SH3PXD2A: variants seen among roughly 807,000 people sequenced by gnomAD.
SH3PXD2A encodes the protein SH3 and PX domains 2A.
SH3PXD2A carries 32 observed loss-of-function variants against 115.2 expected under a neutral mutation model. The ratio of observed to expected loss-of-function variants is 0.28; its 90% confidence interval spans 0.21 to 0.37. The LOEUF (loss-of-function observed/expected upper bound fraction) is 0.37. SH3PXD2A is among the 10% of genes least tolerant of loss of function. The probability of loss-of-function intolerance (pLI) is 1.00; values close to 1 mark genes in which losing one functional copy is unlikely to be tolerated. For synonymous variants in SH3PXD2A, 610 were observed against 629.1 expected (o/e 0.97, Z 0.45); for missense variants, 1,328 against 1,498.7 (o/e 0.89, Z 1.88).
chr10:103,693,217 T>G, intron 5 of SH3PXD2A, 161 bp from the exon 6 acceptor site: 1 of 192,060 alleles, frequency 5.2e-6, no homozygotes, highest in Non-Finnish European at 1.0e-5. Context: ...CCGCACGCAC[T>G]GCGCGCCGCG....
At chr10:103,635,114 A>G (rs1395471459) in intron 8 of SH3PXD2A, among the ~76,000 whole-genome samples, 1 of 152,182 alleles carries the variant, frequency 6.6e-6, no homozygotes, top group East Asian at 1.9e-4. Flanking sequence ...GTGCCTATGC[A>G]TCTGCTCTAA....
chr10:103,790,321 A>T lies in SH3PXD2A; in HGVS notation c.153+10961T>A, dbSNP rs1339924114. ...AGGCGCCCGCCATCACCCCTGGCTA[A>T]TTTTTTTGTATTTTTAGTAGAGACG... On this transcript the variant is annotated intron_variant, in intron 2 of 14. Transcript: ENST00000369774. Among the ~76,000 whole-genome samples, 3 of 151,738 alleles carry T rather than the reference A, an allele frequency of 2.0e-5. No homozygotes were observed. In the East Asian group the frequency reaches 5.8e-4, roughly 29 times the overall value.
At chr10:103,661,746 C>T in intron 7 of SH3PXD2A, 4 of 985,292 alleles carry the variant, frequency 4.1e-6, no homozygotes, top group Non-Finnish European at 4.8e-6. Context: ...GGTTTGAGGC[C>T]GCCAATCACT....
rs1271125442 is a variant in SH3PXD2A at position 103,596,661 on chromosome 10, A to ACTCTCTCTCTCTCTCTCTCTCT, written c.*5154_*5155insAGAGAGAGAGAGAGAGAGAGAG. The ACTCTCTCTCTCTCTCTCTCTCT allele has an allele frequency of 5.4e-5, 2 of 37,032 alleles. No homozygotes were observed. The highest frequency in any genetic ancestry group is 7.3e-5 in the Non-Finnish European group (1 of 13,722). The allele number at this position is 37,032 out of a possible 1,614,324, so 2.3% of individuals were successfully genotyped here. A position where few individuals can be genotyped will look rare whatever the true frequency, so the allele number is the denominator to read the frequency against. On this transcript the variant is annotated 3_prime_UTR_variant, in exon 15 of 15. Transcript: ENST00000369774. The stretch of plus-strand genomic sequence containing the variant: ...CACACACACACACACACACACACAC[A>ACTCTCTCTCTCTCTCTCTCTCT]CACTCTCTCTCTCTCTCTCTCTCTC...
At chr10:103,787,065 C>G (rs2038987847) in intron 2 of SH3PXD2A, among the ~76,000 whole-genome samples, 1 of 152,212 alleles carries the variant, frequency 6.6e-6, no homozygotes, top group South Asian at 2.1e-4. Flanking sequence ...TTCTGTCCAG[C>G]TTTGCATCCG....
intron 10 of SH3PXD2A, among the ~76,000 whole-genome samples, chr10:103,619,970 A>G (rs897589105): frequency 1.3e-5 from 2 of 152,208 alleles, no homozygotes; most frequent in African/African-American, 4.8e-5. Flanking sequence ...CTCAGATGGC[A>G]GAGGCATGGA....
chr10:103,707,916 C>A (rs2038000469), intron 5 of SH3PXD2A, among the ~76,000 whole-genome samples: 5 of 152,176 alleles, frequency 3.3e-5, no homozygotes, highest in Admixed American at 3.3e-4. Flanking sequence ...CACCCTGGCC[C>A]AGGCTGTCTC....
chr10:103,617,343 A>T (rs761295262), intron 10 of SH3PXD2A, 29 bp from the exon 11 acceptor site: 2 of 1,527,450 alleles, frequency 1.3e-6, no homozygotes, highest in South Asian at 2.2e-5. Flanking sequence ...AAGCAAGATT[A>T]TTTGAGGTCG....
At chr10:103,823,508 T>C (rs1459924976) in intron 1 of SH3PXD2A, among the ~76,000 whole-genome samples, 1 of 152,226 alleles carries the variant, frequency 6.6e-6, no homozygotes, top group African/African-American at 2.4e-5. Flanking sequence ...GCAAGTTCCA[T>C]GTGCTAGGCT....
At chr10:103,790,400 C>T (rs1373561212) in intron 2 of SH3PXD2A, among the ~76,000 whole-genome samples, 3 of 152,030 alleles carry the variant, frequency 2.0e-5, no homozygotes, top group South Asian at 2.1e-4. Context: ...GTGATCCACC[C>T]GCCTCGGCCT....
At chr10:103,830,915 T>A (rs199787108) in intron 1 of SH3PXD2A, among the ~76,000 whole-genome samples, 1 of 151,974 alleles carries the variant, frequency 6.6e-6, no homozygotes, top group Non-Finnish European at 1.5e-5. Flanking sequence ...GATGAGGGTT[T>A]GCAATGGTGA....
At chr10:103,672,588 C>T (rs1171535159) in intron 6 of SH3PXD2A, among the ~76,000 whole-genome samples, 2 of 152,362 alleles carry the variant, frequency 1.3e-5, no homozygotes, top group East Asian at 3.8e-4. Context: ...ATAAAAGCAA[C>T]CTTGGTTCTT....
chr10:103,616,314 C>T (rs920109594), intron 11 of SH3PXD2A, among the ~76,000 whole-genome samples: 3 of 152,154 alleles, frequency 2.0e-5, no homozygotes, highest in African/African-American at 7.2e-5. Context: ...GGATATAGGA[C>T]TATCCCTGTC....
At chr10:103,698,261 G>A (rs1035797369) in intron 5 of SH3PXD2A, among the ~76,000 whole-genome samples, 4 of 152,236 alleles carry the variant, frequency 2.6e-5, no homozygotes, top group African/African-American at 9.6e-5. Flanking sequence ...AGGGTGCTGA[G>A]TACCTGCCAG....
intron 4 of SH3PXD2A, among the ~76,000 whole-genome samples, chr10:103,727,865 G>A (rs1310859325): frequency 6.6e-6 from 1 of 152,224 alleles, no homozygotes; most frequent in African/African-American, 2.4e-5. Context: ...GCTTCCATCA[G>A]AGCTGCTGCC....
intron 5 of SH3PXD2A, among the ~76,000 whole-genome samples, chr10:103,722,338 T>G (rs1437260729): frequency 6.6e-6 from 1 of 151,116 alleles, no homozygotes; most frequent in Non-Finnish European, 1.5e-5. Context: ...CAAGCCCTGG[T>G]GCAAACCTCT....
Position 103,714,910 on chromosome 10 carries a change from C to T in SH3PXD2A, c.398+9360G>A, listed in dbSNP as rs1589425845. Among the ~76,000 whole-genome samples, 8 of 152,324 alleles carry T rather than the reference C, an allele frequency of 5.3e-5. 2 individuals are homozygous for T. Among genetic ancestry groups the T allele is most frequent in the Admixed American group, 5.2e-4 (8 of 15,302 alleles). Reference sequence around the variant, plus strand: ...TGTGGGTGGACTTTCTACCCCAATCCCCCAGGAGAGACAGGGACTTGGGAT... The same window carrying T: ...TGTGGGTGGACTTTCTACCCCAATCTCCCAGGAGAGACAGGGACTTGGGAT... On this transcript the variant is annotated intron_variant, in intron 5 of 14. Transcript: ENST00000369774.
intron 1 of SH3PXD2A, among the ~76,000 whole-genome samples, chr10:103,838,049 G>A (rs572387026): frequency 6.6e-5 from 10 of 152,228 alleles, no homozygotes; most frequent in East Asian, 1.9e-4. Flanking sequence ...GGTTAGCTGC[G>A]GAAACTGAGC....
In SH3PXD2A at chr10:103,720,779, C is replaced by T. The variant is rs754591; in HGVS notation, c.398+3491G>A. Among the ~76,000 whole-genome samples, 554 of 152,270 alleles carry T rather than the reference C, an allele frequency of 3.6e-3. 10 individuals carry two copies. Among genetic ancestry groups the T allele is most frequent in the Admixed American group, 0.021 (321 of 15,304 alleles). The stretch of plus-strand genomic sequence containing the variant: ...AGGTGCAGGCACTAGGCTGACACGT[C>T]GGCAGCCTGTCAGCCGAGGGTCATG... On this transcript the variant is annotated intron_variant, in intron 5 of 14. Coordinates refer to ENST00000369774, the MANE Select transcript of SH3PXD2A (RefSeq NM_001394015.1).
Sources: gnomAD v4.1 joint callset for allele counts (sites outside exome capture counted in the v4.1 genomes callset) on GRCh38, gnomAD v4.1.1 for gene constraint, MANE v1.5 for transcripts, NCBI Gene and HGNC (gene_info 2026-07-23, HGNC 2026-07-21) for gene names.